The following JAKMIP2 variants were observed in gnomAD, a reference collection of about 807,000 sequenced individuals.
The protein encoded by JAKMIP2 is janus kinase and microtubule-interacting protein 2.
In JAKMIP2, 25 loss-of-function variants were observed where a neutral mutation model predicts 115.0. The observed-to-expected ratio is 0.22, with a 90% confidence interval of 0.16 to 0.30. The LOEUF (loss-of-function observed/expected upper bound fraction) is 0.30, where lower values mean the gene tolerates loss of function less well. Among genes scored for constraint, JAKMIP2 ranks in the 10% least tolerant of loss-of-function variants. The probability of loss-of-function intolerance (pLI) is 1.00; values close to 1 mark genes in which losing one functional copy is unlikely to be tolerated. For missense variants in JAKMIP2, 642 were observed against 957.6 expected, an observed-to-expected ratio of 0.67 and a Z score of 4.35; for synonymous variants, 334 against 343.6, an observed-to-expected ratio of 0.97 and a Z score of 0.31.
intron 21 of JAKMIP2, among the ~76,000 whole-genome samples, chr5:147,599,996 C>T (rs1755611963): frequency 6.6e-6 from 1 of 151,736 alleles, no homozygotes; most frequent in African/African-American, 2.4e-5. Context: ...CTACCTAGTA[C>T]TTACAAGGTT....
intron 2 of JAKMIP2, among the ~76,000 whole-genome samples, chr5:147,665,956 A>G (rs1561525086): frequency 6.6e-6 from 1 of 152,234 alleles, no homozygotes; most frequent in Non-Finnish European, 1.5e-5. Context: ...AAAAAGTAAA[A>G]ATACAGGTGC....
At position 147,648,363 on chromosome 5, in the gene JAKMIP2, TA is replaced by T; in HGVS notation, c.936+12del. ...TAACAACAACATCAACAAAAATTTTTAGTATATCTCACCAGTTCATTTCGTT... is the reference window on the plus strand; with the variant it reads ...TAACAACAACATCAACAAAAATTTTTGTATATCTCACCAGTTCATTTCGTT... On this transcript the variant is annotated intron_variant, in intron 5 of 21. Transcript: ENST00000616793. 3 of 1,474,190 alleles carry T rather than the reference TA, an allele frequency of 2.0e-6. No individual in the cohort carries two copies. Among genetic ancestry groups the T allele is most frequent in the Non-Finnish European group, 2.8e-6 (3 of 1,055,946 alleles). The allele number at this position is 1,474,190 out of a possible 1,614,324, so 91.3% of individuals were successfully genotyped here.
At chr5:147,744,572 A>AT (rs1754280165) in intron 1 of JAKMIP2, among the ~76,000 whole-genome samples, 1 of 152,262 alleles carries the variant, frequency 6.6e-6, no homozygotes, top group African/African-American at 2.4e-5. Context: ...ATACAGAGCA[A>AT]TATCAGTGTG....
In JAKMIP2 at chr5:147,671,660, C is replaced by T. The variant is rs1236165070; in HGVS notation, c.129+18G>A. 2 of 1,389,268 alleles carry T rather than the reference C, an allele frequency of 1.4e-6. No individual in the cohort carries two copies. The highest frequency in any genetic ancestry group is 1.9e-5 in the South Asian group (1 of 52,840). The allele number at this position is 1,389,268 out of a possible 1,614,324, so 86.1% of individuals were successfully genotyped here. On this transcript the variant is annotated intron_variant, in intron 2 of 21. Transcript: ENST00000616793. ...AGAGCTGCTCTTAATGCCACGACCT[C>T]AGGTAGCCCTCGCTCACCTTGGACT...
At chr5:147,624,048 T>C (rs2126663594) in intron 16 of JAKMIP2, among the ~76,000 whole-genome samples, 1 of 152,206 alleles carries the variant, frequency 6.6e-6, no homozygotes, top group South Asian at 2.1e-4. Context: ...TTGGCCAGGC[T>C]GGTCTTGAAC....
At chr5:147,624,408 C>T (rs1757002812) in intron 16 of JAKMIP2, among the ~76,000 whole-genome samples, 1 of 152,132 alleles carries the variant, frequency 6.6e-6, no homozygotes, top group Non-Finnish European at 1.5e-5. Flanking sequence ...GAAGGGACAA[C>T]ATGTCCAATA....
intron 1 of JAKMIP2, 96 bp from the exon 2 acceptor site, chr5:147,672,050 C>T (rs1397338940): frequency 1.2e-6 from 1 of 825,220 alleles, no homozygotes; most frequent in Non-Finnish European, 1.6e-6. Flanking sequence ...GTAAGAGCCT[C>T]CTCCTGAGGC....
chr5:147,673,410 T>C (rs898524518), intron 1 of JAKMIP2, among the ~76,000 whole-genome samples: 1 of 152,150 alleles, frequency 6.6e-6, no homozygotes, highest in African/African-American at 2.4e-5. Flanking sequence ...CAGCTGCTGC[T>C]CTCTTAAGAC....
At chr5:147,771,986 G>A (rs1755374643) in intron 1 of JAKMIP2, among the ~76,000 whole-genome samples, 2 of 151,944 alleles carry the variant, frequency 1.3e-5, no homozygotes, top group South Asian at 4.1e-4. Flanking sequence ...TCCACATACA[G>A]GAACCATAGA....
chr5:147,628,149 G>T (rs953684350), intron 16 of JAKMIP2, among the ~76,000 whole-genome samples: 1 of 152,076 alleles, frequency 6.6e-6, no homozygotes, highest in Non-Finnish European at 1.5e-5. Flanking sequence ...AGCCTCCAAA[G>T]TAGCTAGGAC....
chr5:147,668,214 C>G (rs1314704955), intron 2 of JAKMIP2, among the ~76,000 whole-genome samples: 1 of 152,158 alleles, frequency 6.6e-6, no homozygotes, highest in South Asian at 2.1e-4. Flanking sequence ...GCCCTGAGAA[C>G]CCTGTTCCCT....
chr5:147,621,002 G>A (rs1322021249), intron 17 of JAKMIP2, among the ~76,000 whole-genome samples: 2 of 152,286 alleles, frequency 1.3e-5, no homozygotes, highest in Admixed American at 6.5e-5. Context: ...CTGAGAGCAC[G>A]TGATTAAGTA....
intron 1 of JAKMIP2, among the ~76,000 whole-genome samples, chr5:147,716,189 G>A (rs1276298141): frequency 7.5e-6 from 1 of 133,234 alleles, no homozygotes; most frequent in African/African-American, 2.9e-5. Context: ...ATTTTTTATG[G>A]CTGCATAGTA....
At chr5:147,694,522 G>C (rs927629163) in intron 1 of JAKMIP2, among the ~76,000 whole-genome samples, 2 of 152,180 alleles carry the variant, frequency 1.3e-5, no homozygotes, top group Non-Finnish European at 2.9e-5. Flanking sequence ...TAGTGAAATT[G>C]ATAGGCTATG....
intron 1 of JAKMIP2, among the ~76,000 whole-genome samples, chr5:147,735,535 A>G (rs184695227): frequency 1.3e-5 from 2 of 152,148 alleles, no homozygotes; most frequent in African/African-American, 4.8e-5. Context: ...ATTCACTATC[A>G]TGAGAACACT....
chr5:147,676,731 G>A (rs1759987576), intron 1 of JAKMIP2, among the ~76,000 whole-genome samples: 1 of 152,236 alleles, frequency 6.6e-6, no homozygotes, highest in Non-Finnish European at 1.5e-5. Flanking sequence ...TATTAGAGAA[G>A]TTAGAGACAG....
chr5:147,662,440 G>A (rs1759057015), intron 2 of JAKMIP2, among the ~76,000 whole-genome samples: 2 of 152,166 alleles, frequency 1.3e-5, no homozygotes, highest in Non-Finnish European at 2.9e-5. Flanking sequence ...AATTTCCTGT[G>A]ATAATATAGG....
At chr5:147,674,788 T>A (rs1759837354) in intron 1 of JAKMIP2, among the ~76,000 whole-genome samples, 1 of 152,204 alleles carries the variant, frequency 6.6e-6, no homozygotes, top group African/African-American at 2.4e-5. Context: ...ATGCTCAGAT[T>A]CAAATCTAAG....
chr5:147,638,119 C>A (rs912850027), intron 10 of JAKMIP2, among the ~76,000 whole-genome samples: 2 of 151,802 alleles, frequency 1.3e-5, no homozygotes, highest in Non-Finnish European at 2.9e-5. Flanking sequence ...TTTTCTTGTA[C>A]CTAATTTTAT....
Sources: gnomAD v4.1 joint callset for allele counts (sites outside exome capture counted in the v4.1 genomes callset) on GRCh38, gnomAD v4.1.1 for gene constraint, MANE v1.5 for transcripts, NCBI Gene and HGNC (gene_info 2026-07-23, HGNC 2026-07-21) for gene names.